GRID2: variants seen among roughly 807,000 people sequenced by gnomAD.
GRID2 encodes glutamate receptor ionotropic, delta-2.
A neutral mutation model predicts 114.8 loss-of-function variants in GRID2; 33 were observed. The observed-to-expected ratio is 0.29, with a 90% CI of 0.22 to 0.38. The LOEUF is 0.38. Among genes scored for constraint, GRID2 ranks in the 10% least tolerant of loss-of-function variants. The probability of loss-of-function intolerance (pLI) is 1.00; values close to 1 mark genes in which losing one functional copy is unlikely to be tolerated. For missense variants in GRID2, 1,184 were observed against 1,257.7 expected (o/e 0.94, Z 0.89); for synonymous variants, 505 against 449.9 (o/e 1.12, Z -1.55).
intron 1 of GRID2, among the ~76,000 whole-genome samples, chr4:92,501,924 AG>A (rs1300937939): frequency 6.6e-6 from 1 of 152,196 alleles, no homozygotes; most frequent in Admixed American, 6.5e-5. Flanking sequence ...TTCTGGATAT[AG>A]GCATAGAATA....
chr4:93,234,366 G>GA (rs960698634), intron 7 of GRID2, among the ~76,000 whole-genome samples: 1 of 151,842 alleles, frequency 6.6e-6, no homozygotes, highest in Admixed American at 6.6e-5. Context: ...TAGTCCAAAG[G>GA]AAAAAATACG....
chr4:92,989,697 T>C (rs879436214), intron 2 of GRID2, among the ~76,000 whole-genome samples: 1 of 152,154 alleles, frequency 6.6e-6, no homozygotes, highest in Non-Finnish European at 1.5e-5. Flanking sequence ...TACACACCAA[T>C]ATATGCATCT....
rs373891256 is a variant in GRID2, at chr4:93,375,214, C to CTTTTT, written c.1246-20380_1246-20376dup. Among the ~76,000 whole-genome samples the CTTTTT allele has an allele frequency of 9.2e-4, 124 of 135,324 alleles. 3 individuals carry two copies. The highest frequency in any genetic ancestry group is 3.3e-3 in the African/African-American group (116 of 35,520). The allele number at this position is 135,324 out of a possible 152,430, so 88.8% of individuals were successfully genotyped here. A position where few individuals can be genotyped will look rare whatever the true frequency, so the allele number is the denominator to read the frequency against. On this transcript the variant is annotated intron_variant, in intron 8 of 15. Coordinates refer to ENST00000282020, the MANE Select transcript of GRID2 (RefSeq NM_001510.4). Reference sequence around the variant, plus strand: ...TCCATGGGAGTTTTTCTTTTTTTCCCTTTTTTTTTTTTTTTTTGAGACAGA... The same window carrying CTTTTT: ...TCCATGGGAGTTTTTCTTTTTTTCCCTTTTTTTTTTTTTTTTTTTTTTGAGACAGA...
At chr4:93,042,625 C>CTA (rs34331791) in intron 2 of GRID2, among the ~76,000 whole-genome samples, 31,796 of 135,358 alleles carry the variant, frequency 0.23, 4,077 homozygotes, top group Middle Eastern at 0.35. Context: ...CTCTCTCTCT[C>CTA]TATATATATA....
At position 93,608,639 on chromosome 4, in the gene GRID2, A is replaced by G. The variant is rs542374709; in HGVS notation, c.2194-17630A>G. Among the ~76,000 whole-genome samples the G allele has an allele frequency of 3.6e-3, 503 of 138,934 alleles. 41 individuals carry two copies. Among genetic ancestry groups the G allele is most frequent in the Non-Finnish European group, 5.8e-3 (361 of 62,278 alleles). 91.1% of individuals were successfully genotyped at this position (138,934 alleles called of 152,430 possible). On this transcript the variant is annotated intron_variant, in intron 13 of 15. Transcript: ENST00000282020. Reference sequence around the variant, plus strand: ...ATCCATGTCCCTACAAAGGACATGAACTCATCATTTTTTATGGCTGCATAG... The same window carrying G: ...ATCCATGTCCCTACAAAGGACATGAGCTCATCATTTTTTATGGCTGCATAG...
chr4:93,231,090 T>G (rs1001396368), intron 7 of GRID2, among the ~76,000 whole-genome samples: 1 of 152,060 alleles, frequency 6.6e-6, no homozygotes, highest in African/African-American at 2.4e-5. Flanking sequence ...GAGCTACAAT[T>G]TGAAAACCAC....
At chr4:92,425,372 A>G (rs1053140997) in intron 1 of GRID2, among the ~76,000 whole-genome samples, 15 of 152,106 alleles carry the variant, frequency 9.9e-5, no homozygotes, top group African/African-American at 3.6e-4. Context: ...GTCAAACACA[A>G]GCACAAAAAC....
At chr4:92,738,427 C>A (rs1451731206) in intron 2 of GRID2, among the ~76,000 whole-genome samples, 1 of 152,084 alleles carries the variant, frequency 6.6e-6, no homozygotes, top group Non-Finnish European at 1.5e-5. Context: ...TTGGTTGTTG[C>A]AGTCCTTCCA....
chr4:92,692,155 G>C (rs1734212357), intron 2 of GRID2, among the ~76,000 whole-genome samples: 1 of 152,070 alleles, frequency 6.6e-6, no homozygotes, highest in Non-Finnish European at 1.5e-5. Flanking sequence ...GTTTCTCCCA[G>C]TGAAGTTAAA....
At chr4:93,569,497 C>A (rs1417860919) in intron 13 of GRID2, among the ~76,000 whole-genome samples, 2 of 152,116 alleles carry the variant, frequency 1.3e-5, no homozygotes, top group Non-Finnish European at 2.9e-5. Context: ...ATGCAATTGC[C>A]TTTTGACAAC....
At chr4:93,330,119 A>G (rs733942) in intron 8 of GRID2, among the ~76,000 whole-genome samples, 56,342 of 151,950 alleles carry the variant, frequency 0.37, 10,840 homozygotes, top group East Asian at 0.62. Flanking sequence ...ACTAATATTT[A>G]ATCGCATTAG....
At chr4:92,566,069 A>T (rs944051186) in intron 1 of GRID2, among the ~76,000 whole-genome samples, 5 of 151,920 alleles carry the variant, frequency 3.3e-5, no homozygotes, top group Non-Finnish European at 7.4e-5. Flanking sequence ...CTGACCGTTT[A>T]TGGTTTTGAA....
At chr4:93,557,605 A>G (rs1366393119) in intron 13 of GRID2, among the ~76,000 whole-genome samples, 2 of 152,224 alleles carry the variant, frequency 1.3e-5, no homozygotes, top group African/African-American at 2.4e-5. Context: ...CTTAGAGACT[A>G]CAAAGAGACT....
chr4:93,058,395 T>C (rs1241896739), intron 2 of GRID2, among the ~76,000 whole-genome samples: 1 of 152,026 alleles, frequency 6.6e-6, no homozygotes, highest in Non-Finnish European at 1.5e-5. Context: ...TAAATATTTT[T>C]CTATTTTTTC....
intron 8 of GRID2, among the ~76,000 whole-genome samples, chr4:93,354,809 A>G (rs1761163248): frequency 1.1e-5 from 1 of 88,448 alleles, no homozygotes; most frequent in Non-Finnish European, 2.1e-5. Flanking sequence ...TATATTTTAT[A>G]AATAAGATAT....
chr4:93,659,442 T>C (rs756760318), intron 14 of GRID2, among the ~76,000 whole-genome samples: 44 of 152,196 alleles, frequency 2.9e-4, no homozygotes, highest in Non-Finnish European at 4.9e-4. Context: ...ATCTTTTGGT[T>C]ATGTTCATCA....
At chr4:92,778,235 G>T (rs1738900222) in intron 2 of GRID2, among the ~76,000 whole-genome samples, 1 of 150,902 alleles carries the variant, frequency 6.6e-6, no homozygotes, top group South Asian at 2.1e-4. Flanking sequence ...CTTCTCCATT[G>T]TTTTTTTTTA....
Position 92,860,765 on chromosome 4 carries a change from C to T in GRID2, c.245-224230C>T, listed in dbSNP as rs572919423. On this transcript the variant is annotated intron_variant, in intron 2 of 15. Transcript: ENST00000282020. ...TTCATTCCTGTTATGACTGCCATTTCGCCTGAACCCTATACAGTACCTGAA... is the reference window on the plus strand; with the variant it reads ...TTCATTCCTGTTATGACTGCCATTTTGCCTGAACCCTATACAGTACCTGAA... Among the ~76,000 whole-genome samples, 12 of 152,078 alleles carry T rather than the reference C, an allele frequency of 7.9e-5. No homozygotes were observed. In the South Asian group the frequency reaches 1.0e-3, roughly 13 times the overall value.
chr4:93,384,902 G>C (rs145888982), intron 8 of GRID2, among the ~76,000 whole-genome samples: 2 of 152,166 alleles, frequency 1.3e-5, no homozygotes, highest in Non-Finnish European at 2.9e-5. Flanking sequence ...TAACAAAAGA[G>C]TAATTAGAAG....
Sources: allele counts gnomAD v4.1 joint callset (sites outside exome capture counted in the v4.1 genomes callset), GRCh38; gene constraint gnomAD v4.1.1; transcripts MANE v1.5; gene names NCBI Gene and HGNC (gene_info 2026-07-23, HGNC 2026-07-21).